SLC39A9: variants seen among roughly 807,000 people sequenced by gnomAD.
SLC39A9 encodes solute carrier family 39 member 9.
In SLC39A9, 14 loss-of-function variants were observed where a neutral mutation model predicts 28.4. The observed-to-expected ratio is 0.49, with a 90% CI of 0.33 to 0.77. SLC39A9 has a LOEUF of 0.77. SLC39A9 is among the 30% of genes least tolerant of loss of function. The pLI, the probability that SLC39A9 is intolerant of heterozygous loss-of-function variation, is 0.02. For missense variants in SLC39A9, 283 were observed against 381.1 expected, an observed-to-expected ratio of 0.74 and a Z score of 2.14; for synonymous variants, 119 against 149.6, an observed-to-expected ratio of 0.80 and a Z score of 1.49.
In SLC39A9 at chr14:69,460,284, G is replaced by A; in HGVS notation, c.*1691G>A. On this transcript the variant is annotated 3_prime_UTR_variant, in exon 7 of 7. Transcript: ENST00000336643. ...AATTTGTCACTGGATCAGCAGCTGT[G>A]GAAATAAAGCTTGTGAGCCCTCTGC... 1.0e-6 allele frequency: 1 copy of A among 985,746 alleles called. No individual in the cohort carries two copies. The highest frequency in any genetic ancestry group is 1.2e-6 in the Non-Finnish European group (1 of 829,930). 61.1% of individuals were successfully genotyped at this position (985,746 alleles called of 1,614,324 possible).
At position 69,453,222 on chromosome 14, in the gene SLC39A9, T is replaced by C; in HGVS notation, c.404-19T>C. On this transcript the variant is annotated intron_variant, in intron 3 of 6. Coordinates refer to ENST00000336643, the MANE Select transcript of SLC39A9 (RefSeq NM_018375.5). Reference sequence around the variant, plus strand: ...CTGTCTCACATAGCTTAACGCTGTCTTTCTCATTTTCACTTTAGATCCAGA... The same window carrying C: ...CTGTCTCACATAGCTTAACGCTGTCCTTCTCATTTTCACTTTAGATCCAGA... 1 of 1,608,798 alleles carries C rather than the reference T, an allele frequency of 6.2e-7. No homozygotes were observed.
In SLC39A9 at chr14:69,421,542, A is replaced by G. The variant is rs535680469; in HGVS notation, c.97-2552A>G. Among the ~76,000 whole-genome samples the G allele has an allele frequency of 2.2e-4, 34 of 152,352 alleles. 2 individuals carry two copies. In the South Asian group the frequency reaches 7.0e-3, roughly 32 times the overall value. On this transcript the variant is annotated intron_variant, in intron 1 of 6. Transcript: ENST00000336643. ...AACCACTGCTCTCTTCAGAGCTATC[A>G]GTCAGGAACGTTTAAGACTGCAGAA... is the stretch of plus-strand genomic sequence containing the variant.
intron 1 of SLC39A9, among the ~76,000 whole-genome samples, chr14:69,405,178 T>C (rs1366793519): frequency 2.0e-5 from 3 of 152,106 alleles, no homozygotes; most frequent in Non-Finnish European, 4.4e-5. Context: ...CAAGATGAGA[T>C]TTGGGTGGGG....
At chr14:69,400,362 A>T (rs1460260416) in intron 1 of SLC39A9, among the ~76,000 whole-genome samples, 1 of 152,216 alleles carries the variant, frequency 6.6e-6, no homozygotes, top group East Asian at 1.9e-4. Context: ...CCTTGAACAG[A>T]TGTTAAGCGA....
chr14:69,454,034 G>T lies in SLC39A9; in HGVS notation c.472+725G>T, dbSNP rs79958909. ...CAAAACACCAGTTTAAGCAGAAGTGGTATGCAGTGGAATGCAGAGATCTTA... is the reference window on the plus strand; with the variant it reads ...CAAAACACCAGTTTAAGCAGAAGTGTTATGCAGTGGAATGCAGAGATCTTA... On this transcript the variant is annotated intron_variant, in intron 4 of 6. Coordinates refer to ENST00000336643, the MANE Select transcript of SLC39A9 (RefSeq NM_018375.5). Among the ~76,000 whole-genome samples the T allele has an allele frequency of 7.9e-5, 12 of 152,290 alleles. No homozygotes were observed. The East Asian group carries it at 2.3e-3, about 29-fold the overall frequency.
intron 2 of SLC39A9, among the ~76,000 whole-genome samples, chr14:69,427,053 C>T (rs927904512): frequency 4.7e-5 from 7 of 149,520 alleles, no homozygotes; most frequent in Non-Finnish European, 7.4e-5. Flanking sequence ...CTGTCTCCCA[C>T]GCTGGAGTGC....
chr14:69,405,721 C>CT (rs1418820639), intron 1 of SLC39A9, among the ~76,000 whole-genome samples: 2 of 152,130 alleles, frequency 1.3e-5, no homozygotes, highest in Admixed American at 1.3e-4. Flanking sequence ...CTTGATAAAA[C>CT]TAAGTTTGGA....
Position 69,424,181 on chromosome 14 carries a change from C to T in SLC39A9, c.184C>T (p.Leu62Phe). Residue 62 changes from leucine (L) to phenylalanine (F), a missense_variant, in exon 2 of 7, where the codon CTT (leucine) becomes TTT (phenylalanine). By Grantham distance (22) the Leu-to-Phe change is conservative. Transcript: ENST00000336643. ...CATCGTGCCTGAAGGAGTACATGCC[C>T]TTTATGAAGATATTCTTGAGGGTGA... is the stretch of plus-strand genomic sequence containing the variant. The part of the protein sequence containing the change: ...AVIVPEGVHA[L>F]YEDILEGKHH... 6.2e-7 allele frequency: 1 copy of T among 1,613,056 alleles called. No homozygotes were observed. Among genetic ancestry groups the T allele is most frequent in the Non-Finnish European group, 8.5e-7 (1 of 1,179,130 alleles).
chr14:69,457,559 A>G (rs1250564031), intron 6 of SLC39A9, among the ~76,000 whole-genome samples: 1 of 152,052 alleles, frequency 6.6e-6, no homozygotes, highest in Admixed American at 6.6e-5. Flanking sequence ...TTACCACTGT[A>G]TCTCAAGCAC....
intron 6 of SLC39A9, among the ~76,000 whole-genome samples, chr14:69,456,432 C>G (rs1885864847): frequency 2.0e-5 from 3 of 152,162 alleles, no homozygotes; most frequent in Non-Finnish European, 4.4e-5. Context: ...TCAACAAACC[C>G]TTCCTTAACG....
intron 1 of SLC39A9, among the ~76,000 whole-genome samples, chr14:69,406,855 T>G (rs564891863): frequency 8.8e-5 from 12 of 137,068 alleles, no homozygotes; most frequent in South Asian, 5.0e-4. Context: ...TTTGTTTTTT[T>G]TTTTTTTTTT....
At chr14:69,405,092 C>T (rs1158467543) in intron 1 of SLC39A9, among the ~76,000 whole-genome samples, 2 of 152,136 alleles carry the variant, frequency 1.3e-5, no homozygotes, top group Non-Finnish European at 2.9e-5. Context: ...AACTCACTGT[C>T]ACAAGAACAG....
At chr14:69,418,713 A>G (rs10148090) in intron 1 of SLC39A9, among the ~76,000 whole-genome samples, 28,494 of 151,974 alleles carry the variant, frequency 0.19, 2,804 homozygotes, top group South Asian at 0.26. Context: ...CAGGGATTCA[A>G]TTTCTTTCCT....
intron 1 of SLC39A9, among the ~76,000 whole-genome samples, chr14:69,421,887 C>T (rs1160900504): frequency 3.3e-5 from 5 of 152,278 alleles, no homozygotes; most frequent in Middle Eastern, 6.8e-3. Context: ...GGCAATGTCC[C>T]GATTTTCCAG....
At chr14:69,427,906 G>A (rs1484093621) in intron 2 of SLC39A9, among the ~76,000 whole-genome samples, 1 of 152,184 alleles carries the variant, frequency 6.6e-6, no homozygotes, top group Non-Finnish European at 1.5e-5. Context: ...CATGAATTCT[G>A]CTAAGATAGA....
At chr14:69,434,412 A>G (rs933139421) in intron 2 of SLC39A9, among the ~76,000 whole-genome samples, 2 of 148,436 alleles carry the variant, frequency 1.3e-5, no homozygotes, top group South Asian at 2.3e-4. Flanking sequence ...TAGGCTAGGC[A>G]TGGTGGCTCA....
intron 2 of SLC39A9, among the ~76,000 whole-genome samples, chr14:69,431,633 A>T (rs774892149): frequency 6.6e-6 from 1 of 150,986 alleles, no homozygotes. Context: ...CTATTTCACG[A>T]TGCTGAGGTT....
intron 3 of SLC39A9, among the ~76,000 whole-genome samples, chr14:69,447,225 T>A (rs1885371769): frequency 6.6e-6 from 1 of 152,216 alleles, no homozygotes; most frequent in African/African-American, 2.4e-5. Flanking sequence ...AGCATTCTGC[T>A]TTTGATATGA....
At chr14:69,448,324 CAAAA>C (rs1019636822) in intron 3 of SLC39A9, among the ~76,000 whole-genome samples, 1 of 147,644 alleles carries the variant, frequency 6.8e-6, no homozygotes, top group African/African-American at 2.5e-5. Context: ...GCAAAACAAA[CAAAA>C]AAGTCACTCT....
Sources: gnomAD v4.1 joint callset for allele counts (sites outside exome capture counted in the v4.1 genomes callset) on GRCh38, gnomAD v4.1.1 for gene constraint, MANE v1.5 for transcripts, NCBI Gene and HGNC (gene_info 2026-07-23, HGNC 2026-07-21) for gene names.